SMG5: variants seen among roughly 807,000 people sequenced by gnomAD.
SMG5 encodes nonsense-mediated mRNA decay factor SMG5.
A neutral mutation model predicts 122.9 loss-of-function variants in SMG5; 53 were observed. The ratio of observed to expected loss-of-function variants is 0.43; its 90% CI spans 0.35 to 0.54. SMG5 has a LOEUF of 0.54. SMG5 is among the 20% of genes least tolerant of loss of function. The pLI, the probability that SMG5 is intolerant of heterozygous loss-of-function variation, is 0.01. For missense variants in SMG5, 1,153 were observed against 1,285.6 expected, an observed-to-expected ratio of 0.90 and a Z score of 1.58; for synonymous variants, 477 against 490.2, an observed-to-expected ratio of 0.97 and a Z score of 0.35.
intron 3 of SMG5, among the ~76,000 whole-genome samples, chr1:156,277,472 T>G (rs1378413918): frequency 6.6e-6 from 1 of 151,604 alleles, no homozygotes. Flanking sequence ...TCCCTAATCC[T>G]AATTACATCT....
At chr1:156,287,878 A>C in the SMG5 span, among the ~76,000 whole-genome samples, 1 of 151,880 alleles carries the variant, frequency 6.6e-6, no homozygotes, top group South Asian at 2.1e-4. Context: ...TCAGCCTCCC[A>C]AAGTACTGGG....
At chr1:156,277,841 A>G in intron 3 of SMG5, 84 bp downstream of exon 3, 1 of 1,566,634 alleles carries the variant, frequency 6.4e-7, no homozygotes, top group Non-Finnish European at 8.7e-7. Flanking sequence ...TGGCTCCCCT[A>G]CCTCCAACCA....
the SMG5 span, among the ~76,000 whole-genome samples, chr1:156,288,864 G>C: frequency 1.3e-5 from 2 of 152,178 alleles, no homozygotes; most frequent in Non-Finnish European, 2.9e-5. Context: ...AACTCCTGGG[G>C]AATACTGGTT....
chr1:156,286,455 G>A, upstream of SMG5: 7 of 1,614,124 alleles, frequency 4.3e-6, no homozygotes, highest in Non-Finnish European at 5.9e-6. Flanking sequence ...CTGCTCACTG[G>A]TCTCTTTGCC....
chr1:156,285,715 G>A, upstream of SMG5: 1 of 1,613,246 alleles, frequency 6.2e-7, no homozygotes. Context: ...TGCCCCCCCG[G>A]GTCACCCACC....
In SMG5 at chr1:156,249,346, A is replaced by C. The variant is rs953861738; in HGVS notation, c.*1241T>G. 1.5e-5 allele frequency: 3 copies of C among 206,310 alleles called. No homozygotes were observed. Among genetic ancestry groups the C allele is most frequent in the Non-Finnish European group, 3.0e-5 (3 of 100,068 alleles). The allele number at this position is 206,310 out of a possible 1,614,324, so 12.8% of individuals were successfully genotyped here. A position where few individuals can be genotyped will look rare whatever the true frequency, so the allele number is the denominator to read the frequency against. ...GCTATTTTAGAGGAGAGAGGCAGGAAGCCAACTATCCTCTAAGCCACAGCT... is the reference window on the plus strand; with the variant it reads ...GCTATTTTAGAGGAGAGAGGCAGGACGCCAACTATCCTCTAAGCCACAGCT... On this transcript the variant is annotated 3_prime_UTR_variant, in exon 22 of 22. Coordinates refer to ENST00000361813, the MANE Select transcript of SMG5 (RefSeq NM_015327.3).
At chr1:156,260,731 G>A (rs1661786433) in intron 14 of SMG5, 105 bp from the exon 15 acceptor site, 3 of 1,064,618 alleles carry the variant, frequency 2.8e-6, no homozygotes, top group African/African-American at 1.6e-5. Context: ...AGATGATGAG[G>A]CAGGACATAC....
chr1:156,266,744 C>G (rs1662172140), intron 10 of SMG5, 66 bp from the exon 11 acceptor site: 2 of 1,559,124 alleles, frequency 1.3e-6, no homozygotes, highest in African/African-American at 2.7e-5. Flanking sequence ...CCATCAATTC[C>G]AACCACATCT....
intron 10 of SMG5, 53 bp downstream of exon 10, chr1:156,267,417 G>A (rs1662199301): frequency 6.4e-7 from 1 of 1,558,350 alleles, no homozygotes; most frequent in Non-Finnish European, 8.8e-7. Flanking sequence ...GAAAAGGGGA[G>A]TGAGGATCCC....
chr1:156,263,567 G>C lies in SMG5; in HGVS notation c.1859C>G (p.Ser620Cys). The C allele has an allele frequency of 3.1e-6, 5 of 1,613,134 alleles. No individual in the cohort carries two copies. The highest frequency in any genetic ancestry group is 4.2e-6 in the Non-Finnish European group (5 of 1,179,282). ...CCCCTCCGACTCAGAGCCCTCCTCA[G>C]AGGCTGGGGGGTGGGTGAATGGAAG... ...GDVDKPSEPA[S>C]EEGSESEGSE... Residue 620 changes from serine to cysteine, a missense_variant, in exon 13 of 22, where the codon TCT becomes TGT. Physicochemically the swap from Ser to Cys is moderately radical, Grantham distance 112. Coordinates refer to ENST00000361813, the MANE Select transcript of SMG5 (RefSeq NM_015327.3).
At chr1:156,284,211 T>C (rs1361423104), upstream of SMG5, 2 of 152,276 alleles carry the variant, frequency 1.3e-5, no homozygotes, top group Admixed American at 6.5e-5. Context: ...TGATGCTTTT[T>C]TTTGTCGGCA....
rs949410944 is a variant in SMG5 at position 156,266,410 on chromosome 1, CGAG to C, written c.1256-33_1256-31del. ...GGAAAGAGGAAGGTCAGGTGGAGCC[CGAG>C]GAACAGGTGGAGCCTGGAAGCTGGA... On this transcript the variant is annotated intron_variant, in intron 11 of 21. Coordinates refer to ENST00000361813, the MANE Select transcript of SMG5 (RefSeq NM_015327.3). 8.1e-6 allele frequency: 13 copies of C among 1,602,788 alleles called. No homozygotes were observed. The African/African-American group carries it at 1.7e-4, about 21-fold the overall frequency.
At chr1:156,253,375 G>A (rs544753462) in intron 17 of SMG5, 74 bp downstream of exon 17, 5 of 1,471,378 alleles carry the variant, frequency 3.4e-6, no homozygotes, top group Non-Finnish European at 3.8e-6. Context: ...CAGCGGAAGG[G>A]GGAGACCTGC....
Position 156,278,045 on chromosome 1 carries a change from C to T in SMG5, c.177G>A (p.Leu59=), listed in dbSNP as rs570003469. 6.8e-6 allele frequency: 11 copies of T among 1,613,992 alleles called. No individual in the cohort carries two copies. In the African/African-American group the frequency reaches 1.5e-4, roughly 22 times the overall value. ...ACATAAGCTTGACGCAGAGCTCACG[C>T]AGCCTGGAGGGTGTAGAGGAGCATG... ...KPENISLRNK[L]RELCVKLMFL... is the part of the protein sequence containing the mutation. Residue 59 remains leucine, a synonymous_variant, in exon 3 of 22, where the codon CTG becomes CTA. Coordinates refer to ENST00000361813, the MANE Select transcript of SMG5 (RefSeq NM_015327.3).
chr1:156,277,810 C>G (rs1662750477), intron 3 of SMG5, 115 bp downstream of exon 3: 1 of 1,396,472 alleles, frequency 7.2e-7, no homozygotes, highest in South Asian at 1.3e-5. Flanking sequence ...CCGTGCCCAG[C>G]CTCTTACTGC....
intron 5 of SMG5, 25 bp downstream of exon 5, chr1:156,274,572 G>A: frequency 6.2e-7 from 1 of 1,609,090 alleles, no homozygotes; most frequent in Non-Finnish European, 8.5e-7. Context: ...CCAAAACAGA[G>A]AAAATGAAAG....
In SMG5 at chr1:156,266,021, G is replaced by A. The variant is rs1248735624; in HGVS notation, c.1615C>T (p.Leu539=). Residue 539 remains leucine, a synonymous_variant, in exon 12 of 22, where the codon CTG becomes TTG. Coordinates refer to ENST00000361813, the MANE Select transcript of SMG5 (RefSeq NM_015327.3). ...TCTGATCTGCCCCGAGGGGGCTCCA[G>A]GGTTGGTGACCGTGTCCCCTCCTCT... The part of the protein sequence containing the change: ...EEEEGTRSPT[L]EPPRGRSEAP... 2 of 1,614,140 alleles carry A rather than the reference G, an allele frequency of 1.2e-6. No homozygotes were observed. The highest frequency in any genetic ancestry group is 3.3e-5 in the Admixed American group (2 of 60,014).
chr1:156,280,863 G>C (rs974399909), intron 1 of SMG5, among the ~76,000 whole-genome samples: 6 of 151,946 alleles, frequency 3.9e-5, no homozygotes. Flanking sequence ...TTGTACTCTC[G>C]GGCCTAGCAA....
chr1:156,258,967 G>A (rs200155859), intron 16 of SMG5, 38 bp downstream of exon 16: 8 of 1,610,488 alleles, frequency 5.0e-6, no homozygotes, highest in Middle Eastern at 1.7e-4. Flanking sequence ...TGAGCCCAAT[G>A]GGAGCAGAGC....
Sources: gnomAD v4.1 joint callset for allele counts (sites outside exome capture counted in the v4.1 genomes callset) on GRCh38, gnomAD v4.1.1 for gene constraint, MANE v1.5 for transcripts, NCBI Gene and HGNC (gene_info 2026-07-23, HGNC 2026-07-21) for gene names.